Variants in B3GALT1 observed in about 807,000 individuals in gnomAD.
B3GALT1 encodes UDP-Gal:betaGlcNAc beta 1,3-galactosyltransferase, polypeptide 1.
In B3GALT1, 10 loss-of-function variants were observed where a neutral mutation model predicts 23.2. The ratio of observed to expected loss-of-function variants is 0.43; its 90% confidence interval spans 0.27 to 0.73. The LOEUF (loss-of-function observed/expected upper bound fraction) is 0.73. Among genes scored for constraint, B3GALT1 ranks in the 30% least tolerant of loss-of-function variants. B3GALT1 has a pLI of 0.21. For missense variants in B3GALT1, 299 were observed against 405.4 expected, an observed-to-expected ratio of 0.74 and a Z score of 2.25; for synonymous variants, 156 against 141.5, an observed-to-expected ratio of 1.10 and a Z score of -0.73.
chr2:167,532,475 G>A (rs1333020205), intron 2 of B3GALT1, among the ~76,000 whole-genome samples: 1 of 151,998 alleles, frequency 6.6e-6, no homozygotes, highest in Non-Finnish European at 1.5e-5. Context: ...TTAAATCAAG[G>A]AAATCAAGTA....
chr2:167,413,388 G>C (rs1698420995), intron 1 of B3GALT1, among the ~76,000 whole-genome samples: 1 of 151,988 alleles, frequency 6.6e-6, no homozygotes. Context: ...TGGTTGTTAA[G>C]TTATATTTTC....
intron 4 of B3GALT1, among the ~76,000 whole-genome samples, chr2:167,821,682 G>A (rs927373569): frequency 3.9e-5 from 6 of 152,030 alleles, no homozygotes; most frequent in Admixed American, 6.6e-5. Flanking sequence ...TGATCCACCC[G>A]CCTCATCCTC....
chr2:167,656,359 A>T (rs544542270), intron 3 of B3GALT1, among the ~76,000 whole-genome samples: 1 of 152,182 alleles, frequency 6.6e-6, no homozygotes, highest in Admixed American at 6.6e-5. Flanking sequence ...GAGCAAAAAC[A>T]AGCAAAGTGA....
intron 3 of B3GALT1, among the ~76,000 whole-genome samples, chr2:167,791,334 A>G (rs931976311): frequency 6.6e-6 from 1 of 152,204 alleles, no homozygotes; most frequent in African/African-American, 2.4e-5. Flanking sequence ...ACACTGAAAA[A>G]AAAATCCAGA....
At chr2:167,326,824 G>A (rs557709421) in intron 1 of B3GALT1, among the ~76,000 whole-genome samples, 4 of 151,984 alleles carry the variant, frequency 2.6e-5, no homozygotes, top group Non-Finnish European at 4.4e-5. Flanking sequence ...TGAGTAGCTG[G>A]GATTACAGAC....
chr2:167,558,504 C>T (rs1162035776), intron 2 of B3GALT1, among the ~76,000 whole-genome samples: 1 of 152,182 alleles, frequency 6.6e-6, no homozygotes, highest in African/African-American at 2.4e-5. Context: ...CAGGGCGAGG[C>T]ATTGACTCAC....
In B3GALT1 at chr2:167,545,969, A is replaced by C. The variant is rs75205951; in HGVS notation, c.-410+55692A>C. On this transcript the variant is annotated intron_variant, in intron 2 of 4. Transcript: ENST00000392690. ...TATGTTTCATATACATCTTATATACATAGGCTGAAGGTACTTTTATACAAT... is the reference window on the plus strand; with the variant it reads ...TATGTTTCATATACATCTTATATACCTAGGCTGAAGGTACTTTTATACAAT... Among the ~76,000 whole-genome samples the C allele has an allele frequency of 1.4e-4, 22 of 152,334 alleles. No individual in the cohort carries two copies. The East Asian group carries it at 3.9e-3, about 27-fold the overall frequency.
At chr2:167,411,202 A>G (rs1025868243) in intron 1 of B3GALT1, among the ~76,000 whole-genome samples, 2 of 151,594 alleles carry the variant, frequency 1.3e-5, no homozygotes, top group Non-Finnish European at 2.9e-5. Flanking sequence ...ATGGGATTAC[A>G]TCAAGCTAAA....
intron 1 of B3GALT1, among the ~76,000 whole-genome samples, chr2:167,294,044 G>A (rs942351680): frequency 2.0e-5 from 3 of 152,204 alleles, no homozygotes; most frequent in African/African-American, 7.2e-5. Context: ...ACTTGAGGAT[G>A]GAGAGTCCCA....
chr2:167,560,594 T>C (rs1258052472), intron 2 of B3GALT1, among the ~76,000 whole-genome samples: 3 of 151,470 alleles, frequency 2.0e-5, no homozygotes, highest in Admixed American at 6.6e-5. Context: ...AGGCTCAAAA[T>C]AAAAGGATGG....
At chr2:167,637,424 A>C (rs1195329167) in intron 2 of B3GALT1, among the ~76,000 whole-genome samples, 1 of 151,988 alleles carries the variant, frequency 6.6e-6, no homozygotes, top group Admixed American at 6.6e-5. Context: ...ATTTTGTTAC[A>C]TGCATAGAAC....
At chr2:167,321,264 A>G (rs1696806930) in intron 1 of B3GALT1, among the ~76,000 whole-genome samples, 2 of 152,120 alleles carry the variant, frequency 1.3e-5, no homozygotes, top group South Asian at 4.1e-4. Context: ...AGTACTTATA[A>G]CATTTTGAAG....
At chr2:167,739,780 T>G (rs1687548805) in intron 3 of B3GALT1, among the ~76,000 whole-genome samples, 2 of 152,008 alleles carry the variant, frequency 1.3e-5, no homozygotes, top group Non-Finnish European at 1.5e-5. Flanking sequence ...TTTTAAAATA[T>G]AATCCACATT....
intron 1 of B3GALT1, among the ~76,000 whole-genome samples, chr2:167,406,139 A>G (rs1227723261): frequency 1.3e-5 from 2 of 152,180 alleles, no homozygotes; most frequent in Non-Finnish European, 2.9e-5. Context: ...ACCCTACTTT[A>G]TACCATATGC....
intron 4 of B3GALT1, among the ~76,000 whole-genome samples, chr2:167,828,917 A>G (rs112313470): frequency 0.011 from 1,737 of 152,302 alleles, 30 homozygotes; most frequent in African/African-American, 0.039. Flanking sequence ...CTCAAATTTC[A>G]GTACTTGGTG....
At chr2:167,489,825 T>G (rs1439720706) in intron 1 of B3GALT1, among the ~76,000 whole-genome samples, 4 of 152,218 alleles carry the variant, frequency 2.6e-5, no homozygotes, top group African/African-American at 9.6e-5. Flanking sequence ...CTTGTGGAAA[T>G]ACTTGCTATT....
chr2:167,571,279 A>G (rs1227137), intron 2 of B3GALT1, among the ~76,000 whole-genome samples: 81,117 of 151,774 alleles, frequency 0.53, 25,286 homozygotes, highest in East Asian at 0.99. Flanking sequence ...ATTCTGTAGT[A>G]GGGGAATCCC....
At chr2:167,381,887 G>A (rs1227847809) in intron 1 of B3GALT1, among the ~76,000 whole-genome samples, 3 of 152,126 alleles carry the variant, frequency 2.0e-5, no homozygotes, top group Non-Finnish European at 4.4e-5. Context: ...ATTTTGATCA[G>A]TTTATCTTTC....
At chr2:167,632,610 G>T (rs982321922) in intron 2 of B3GALT1, among the ~76,000 whole-genome samples, 25 of 151,988 alleles carry the variant, frequency 1.6e-4, no homozygotes, top group African/African-American at 5.3e-4. Context: ...AGAAGTGTCT[G>T]TTTATATCCT....
Sources: gnomAD v4.1 joint callset for allele counts (sites outside exome capture counted in the v4.1 genomes callset) on GRCh38, gnomAD v4.1.1 for gene constraint, MANE v1.5 for transcripts, NCBI Gene and HGNC (gene_info 2026-07-23, HGNC 2026-07-21) for gene names.